The following MTRR variants were observed in gnomAD, a reference collection of about 807,000 sequenced individuals.
MTRR encodes the protein 5-methyltetrahydrofolate-homocysteine methyltransferase reductase, also known as methionine synthase reductase.
Under a neutral mutation model 79.2 loss-of-function variants are expected in MTRR, and 63 were observed. The observed-to-expected ratio is 0.80, with a 90% confidence interval of 0.65 to 0.98. The LOEUF (loss-of-function observed/expected upper bound fraction) is 0.98. MTRR is among the 50% of genes least tolerant of loss of function. The probability of loss-of-function intolerance (pLI) is 0.00; values close to 1 mark genes in which losing one functional copy is unlikely to be tolerated. For synonymous variants in MTRR, 355 were observed against 313.3 expected, an observed-to-expected ratio of 1.13 and a Z score of -1.41; for missense variants, 895 against 839.6, an observed-to-expected ratio of 1.07 and a Z score of -0.82.
Position 7,888,574 on chromosome 5 carries a change from C to T in MTRR, c.1147-521C>T, listed in dbSNP as rs535884256. On this transcript the variant is annotated intron_variant, in intron 8 of 14. Coordinates refer to ENST00000440940, the MANE Select transcript of MTRR (RefSeq NM_002454.3). ...CCAGGTATTTTAGACAGAGATTCTT[C>T]AGCCAAACCTTTGGAAACCTGTGAC... is the stretch of plus-strand genomic sequence containing the variant. 6.6e-5 allele frequency among the ~76,000 whole-genome samples: 10 copies of T among 152,116 alleles called. No individual in the cohort carries two copies. The East Asian group carries it at 1.6e-3, about 24-fold the overall frequency.
chr5:7,900,153 A>G lies in MTRR; in HGVS notation c.*95A>G. The G allele has an allele frequency of 6.9e-7, 1 of 1,447,876 alleles. No homozygotes were observed. The highest frequency in any genetic ancestry group is 1.3e-5 in the South Asian group (1 of 79,436). The allele number at this position is 1,447,876 out of a possible 1,614,324, so 89.7% of individuals were successfully genotyped here. On this transcript the variant is annotated 3_prime_UTR_variant, in exon 15 of 15. Coordinates refer to ENST00000440940, the MANE Select transcript of MTRR (RefSeq NM_002454.3). ...CAAACCTTTAAATTTTCAAAAGAAA[A>G]TTTTCTTTCAACATTTCTTGAAGGA...
chr5:7,899,040 G>A (rs770928808), intron 14 of MTRR, among the ~76,000 whole-genome samples: 15 of 152,130 alleles, frequency 9.9e-5, no homozygotes, highest in Middle Eastern at 3.4e-3. Context: ...CACCTCACAC[G>A]GCAAGAGAGG....
At chr5:7,885,562 G>GTTT in intron 6 of MTRR, 139 bp from the exon 7 acceptor site, 7 of 687,344 alleles carry the variant, frequency 1.0e-5, no homozygotes, top group Admixed American at 3.4e-5. Flanking sequence ...ACAATTGTGT[G>GTTT]TTTTTTTTTT....
intron 6 of MTRR, 105 bp from the exon 7 acceptor site, chr5:7,885,596 C>G: frequency 2.0e-6 from 2 of 1,023,736 alleles, no homozygotes; most frequent in Non-Finnish European, 2.9e-6. Context: ...TCTGAGTTCA[C>G]ATATTAAAAT....
chr5:7,867,721 C>T (rs762452287), upstream of MTRR: 5 of 1,614,082 alleles, frequency 3.1e-6, no homozygotes, highest in African/African-American at 1.3e-5. Context: ...GGGTTTCCAT[C>T]GTGCTTATAA....
intron 2 of MTRR, chr5:7,862,896 A>C: frequency 6.2e-7 from 1 of 1,614,138 alleles, no homozygotes; most frequent in East Asian, 2.2e-5. Flanking sequence ...TAGTCAGCCC[A>C]ATCTTCACAT....
intron 1 of MTRR, among the ~76,000 whole-genome samples, chr5:7,852,870 T>C (rs1300606854): frequency 6.6e-6 from 1 of 152,172 alleles, no homozygotes; most frequent in African/African-American, 2.4e-5. Flanking sequence ...AGTATCATAC[T>C]TTGGAAAGTG....
rs1393329976 is a variant in MTRR at position 7,873,513 on chromosome 5, G to A, written c.270G>A (p.Arg90=). 2 of 1,614,122 alleles carry A rather than the reference G, an allele frequency of 1.2e-6. No individual in the cohort carries two copies. The highest frequency in any genetic ancestry group is 1.7e-5 in the Admixed American group (1 of 60,012). The change falls in exon 3 of 15, where the codon CGG becomes CGA. Residue 90 remains arginine (R), a synonymous_variant. Coordinates refer to ENST00000440940, the MANE Select transcript of MTRR (RefSeq NM_002454.3). ...TLPVDFFAHL[R]YGLLGLGDSE... ...CGGTTGATTTCTTTGCTCACCTGCG[G>A]TATGGGTTACTGGGTAATGGACTCT...
chr5:7,883,072 C>T, intron 5 of MTRR, 83 bp from the exon 6 acceptor site: 1 of 1,586,126 alleles, frequency 6.3e-7, no homozygotes, highest in Non-Finnish European at 8.6e-7. Flanking sequence ...TTTGTAAGCC[C>T]CTGTGGATCT....
At chr5:7,889,314 G>A (rs373221654) in intron 9 of MTRR, 39 bp downstream of exon 9, 13 of 1,610,644 alleles carry the variant, frequency 8.1e-6, no homozygotes, top group Non-Finnish European at 1.0e-5. Context: ...GTGGCTGTTC[G>A]TGCACTGGTA....
chr5:7,882,064 A>C (rs1429728986), intron 5 of MTRR, among the ~76,000 whole-genome samples: 1 of 152,160 alleles, frequency 6.6e-6, no homozygotes, highest in African/African-American at 2.4e-5. Flanking sequence ...GAGTCAAACA[A>C]TGAGATGTTT....
At chr5:7,872,622 G>A (rs1016554374) in intron 2 of MTRR, among the ~76,000 whole-genome samples, 3 of 152,198 alleles carry the variant, frequency 2.0e-5, no homozygotes, top group African/African-American at 7.2e-5. Flanking sequence ...AAAATGCCCT[G>A]TTATCCCTCT....
chr5:7,898,496 G>A (rs1331636119), intron 14 of MTRR, among the ~76,000 whole-genome samples: 1 of 152,166 alleles, frequency 6.6e-6, no homozygotes, highest in Non-Finnish European at 1.5e-5. Context: ...GGCTCAGAAG[G>A]AAACCCTGGG....
At chr5:7,886,328 A>G (rs1469152380) in intron 7 of MTRR, among the ~76,000 whole-genome samples, 1 of 152,112 alleles carries the variant, frequency 6.6e-6, no homozygotes. Flanking sequence ...AATAATGCTA[A>G]TGGAGTACTG....
At chr5:7,887,886 C>G (rs2126763582) in intron 8 of MTRR, among the ~76,000 whole-genome samples, 1 of 135,252 alleles carries the variant, frequency 7.4e-6, no homozygotes, top group South Asian at 2.4e-4. Context: ...CAGAAATAAC[C>G]CAGGAAACCA....
chr5:7,872,197 G>A (rs1437140094), intron 2 of MTRR: 4 of 447,130 alleles, frequency 8.9e-6, no homozygotes, highest in African/African-American at 4.0e-5. Context: ...TAAATACTTC[G>A]GTAAAAAGTT....
intron 5 of MTRR, among the ~76,000 whole-genome samples, chr5:7,879,420 G>A (rs893665090): frequency 1.1e-4 from 15 of 133,976 alleles, no homozygotes; most frequent in African/African-American, 3.4e-4. Flanking sequence ...CCAAGATTGC[G>A]CCACTGCACT....
At chr5:7,895,600 T>C (rs1475009306) in intron 11 of MTRR, 134 bp from the exon 12 acceptor site, 3 of 1,196,052 alleles carry the variant, frequency 2.5e-6, no homozygotes, top group Non-Finnish European at 3.7e-6. Context: ...TTCAATAAAA[T>C]CTGATGCCAC....
At chr5:7,890,304 T>C (rs183561455) in intron 9 of MTRR, 1 of 985,276 alleles carries the variant, frequency 1.0e-6, no homozygotes, top group Admixed American at 6.1e-5. Context: ...AAGACCGTGT[T>C]GCTGAATGAG....
Sources: gnomAD v4.1 joint callset for allele counts (sites outside exome capture counted in the v4.1 genomes callset) on GRCh38, gnomAD v4.1.1 for gene constraint, MANE v1.5 for transcripts, NCBI Gene and HGNC (gene_info 2026-07-23, HGNC 2026-07-21) for gene names.